GDPD4: variants seen among roughly 807,000 people sequenced by gnomAD.
GDPD4 encodes glycerophosphodiester phosphodiesterase 6.
Under a neutral mutation model 67.8 loss-of-function variants are expected in GDPD4, and 60 were observed. The ratio of observed to expected loss-of-function variants is 0.88; its 90% CI spans 0.72 to 1.10. The LOEUF (loss-of-function observed/expected upper bound fraction) is 1.10. Among genes scored for constraint, GDPD4 ranks in the 50% least tolerant of loss-of-function variants. The pLI, the probability that GDPD4 is intolerant of heterozygous loss-of-function variation, is 0.00. For synonymous variants in GDPD4, 212 were observed against 210.9 expected, an observed-to-expected ratio of 1.00 and a Z score of -0.04; for missense variants, 623 against 613.9, an observed-to-expected ratio of 1.01 and a Z score of -0.16.
At position 77,233,114 on chromosome 11, in the gene GDPD4, A is replaced by T. The variant is rs372324659; in HGVS notation, c.1300T>A (p.Phe434Ile). 5.0e-6 allele frequency: 8 copies of T among 1,614,002 alleles called. No individual in the cohort carries two copies. Among genetic ancestry groups the T allele is most frequent in the Non-Finnish European group, 6.8e-6 (8 of 1,179,974 alleles). Residue 434 changes from phenylalanine to isoleucine, a missense_variant, in exon 14 of 17, where the codon TTC (phenylalanine) becomes ATC (isoleucine). By Grantham distance (21) the Phe-to-Ile change is conservative (BLOSUM62 0). Coordinates refer to ENST00000315938, the MANE Select transcript of GDPD4 (RefSeq NM_182833.3). Reference protein sequence around the residue: ...NVYTVNEPWLFSLAWCSRINS... With the variant: ...NVYTVNEPWLISLAWCSRINS... ...ATCCTGGAGCACCAGGCCAGTGAGA[A>T]AAGCCAAGGCTCATTGACGGTGTAT...
chr11:77,271,229 A>AGAAAGCC lies in GDPD4; in HGVS notation c.307-13_307-7dup. ...TGCACGTAGGGAGCAAAGATCTGTG[A>AGAAAGCC]GAAAGCCAAAAGTCAGGCTGGATAC... On this transcript the variant is annotated splice_polypyrimidine_tract_variant and splice_region_variant and intron_variant, in intron 6 of 16. Transcript: ENST00000315938. The AGAAAGCC allele has an allele frequency of 6.2e-7, 1 of 1,612,724 alleles. No individual in the cohort carries two copies. The highest frequency in any genetic ancestry group is 8.5e-7 in the Non-Finnish European group (1 of 1,179,100).
chr11:77,221,431 G>GTCTT (rs1158505769), intron 16 of GDPD4, among the ~76,000 whole-genome samples: 1 of 152,094 alleles, frequency 6.6e-6, no homozygotes, highest in East Asian at 1.9e-4. Flanking sequence ...GGTATGTTAT[G>GTCTT]TCTTTTTTCT....
intron 11 of GDPD4, among the ~76,000 whole-genome samples, chr11:77,251,245 G>A (rs192664927): frequency 8.7e-4 from 132 of 152,048 alleles, no homozygotes; most frequent in Non-Finnish European, 1.4e-3. Flanking sequence ...CAGTCTGATG[G>A]TCTTCTGTAG....
At chr11:77,287,468 T>C (rs562086410) in intron 1 of GDPD4, 48 bp from the exon 2 acceptor site, 1 of 152,234 alleles carries the variant, frequency 6.6e-6, no homozygotes, top group African/African-American at 2.4e-5. Context: ...CTCCCCTTAA[T>C]GTACCTTATC....
chr11:77,246,141 C>A (rs914968802), intron 11 of GDPD4, among the ~76,000 whole-genome samples: 2 of 152,062 alleles, frequency 1.3e-5, no homozygotes, highest in African/African-American at 4.8e-5. Context: ...TTTAAAATAG[C>A]TGGGTGTGGA....
chr11:77,281,411 C>T (rs909934507), intron 3 of GDPD4, among the ~76,000 whole-genome samples: 2 of 152,124 alleles, frequency 1.3e-5, no homozygotes, highest in Non-Finnish European at 2.9e-5. Context: ...AAACAACACA[C>T]ACAGAGGGGA....
At chr11:77,239,105 C>T (rs1958616114) in intron 13 of GDPD4, among the ~76,000 whole-genome samples, 1 of 152,154 alleles carries the variant, frequency 6.6e-6, no homozygotes, top group African/African-American at 2.4e-5. Context: ...ATATGATCAT[C>T]TCAATAGATA....
chr11:77,226,415 AAG>A (rs1958338865), intron 16 of GDPD4, among the ~76,000 whole-genome samples: 2 of 151,952 alleles, frequency 1.3e-5, no homozygotes, highest in Non-Finnish European at 2.9e-5. Flanking sequence ...TGAGAAGAGG[AAG>A]AGAGACCCGA....
At chr11:77,281,704 C>T (rs1255955933) in intron 3 of GDPD4, among the ~76,000 whole-genome samples, 1 of 152,180 alleles carries the variant, frequency 6.6e-6, no homozygotes, top group African/African-American at 2.4e-5. Flanking sequence ...ACACAACACA[C>T]TTTGATTTGG....
At chr11:77,259,008 G>A (rs538253981) in intron 10 of GDPD4, among the ~76,000 whole-genome samples, 2 of 152,098 alleles carry the variant, frequency 1.3e-5, no homozygotes, top group South Asian at 4.2e-4. Flanking sequence ...TTTTTGAGAC[G>A]GAGTCTTGCT....
At position 77,279,363 on chromosome 11, in the gene GDPD4, C is replaced by T; in HGVS notation, c.90G>A (p.Trp30Ter). The T allele has an allele frequency of 6.2e-7, 1 of 1,611,998 alleles. No homozygotes were observed. The highest frequency in any genetic ancestry group is 8.5e-7 in the Non-Finnish European group (1 of 1,178,432). The change falls in exon 4 of 17, where the codon TGG becomes TGA. Residue 30 changes from tryptophan (W) to a stop codon, truncating the protein, a stop_gained. Transcript: ENST00000315938. LOFTEE classifies it high-confidence loss of function. ...TFLGTGYWFF[W>*]SIFILSLARI... The stretch of plus-strand genomic sequence containing the variant: ...TAGCTAAACTCAGAATAAAAATAGA[C>T]CAGAAAAACCAGTATCCTGTTCCTA...
At chr11:77,231,197 A>G (rs61901763) in intron 14 of GDPD4, among the ~76,000 whole-genome samples, 14,922 of 152,246 alleles carry the variant, frequency 0.098, 961 homozygotes, top group East Asian at 0.14. Context: ...GATAAAGTGT[A>G]TATCATTTTT....
intron 4 of GDPD4, among the ~76,000 whole-genome samples, chr11:77,278,440 A>G (rs1011717558): frequency 6.6e-6 from 1 of 152,226 alleles, no homozygotes; most frequent in Non-Finnish European, 1.5e-5. Flanking sequence ...GTGACAAGGA[A>G]TAGTTATAAC....
chr11:77,228,159 C>T (rs1177815038), intron 15 of GDPD4, among the ~76,000 whole-genome samples: 1 of 151,874 alleles, frequency 6.6e-6, no homozygotes, highest in Non-Finnish European at 1.5e-5. Context: ...TCACCTGAGG[C>T]GGGGCCAACA....
At chr11:77,279,844 T>C (rs1959675765) in intron 3 of GDPD4, among the ~76,000 whole-genome samples, 1 of 152,110 alleles carries the variant, frequency 6.6e-6, no homozygotes, top group Middle Eastern at 3.2e-3. Context: ...AGCCCCAATT[T>C]TTCTGTTCCT....
intron 16 of GDPD4, among the ~76,000 whole-genome samples, chr11:77,221,592 A>G (rs1304163979): frequency 6.6e-6 from 1 of 152,210 alleles, no homozygotes; most frequent in Non-Finnish European, 1.5e-5. Flanking sequence ...CTGTGGTCTG[A>G]GAGACAGTTT....
chr11:77,230,550 C>T (rs1445136813), intron 14 of GDPD4, among the ~76,000 whole-genome samples: 1 of 152,170 alleles, frequency 6.6e-6, no homozygotes, highest in African/African-American at 2.4e-5. Context: ...CTTTAAGTTC[C>T]TGTTCTGCTT....
Position 77,271,091 on chromosome 11 carries a change from G to A in GDPD4, c.400+39C>T, listed in dbSNP as rs754714081. 4 of 1,404,218 alleles carry A rather than the reference G, an allele frequency of 2.8e-6. No homozygotes were observed. The South Asian group carries it at 3.6e-5, about 13-fold the overall frequency. The allele number at this position is 1,404,218 out of a possible 1,614,324, so 87.0% of individuals were successfully genotyped here. A position where few individuals can be genotyped will look rare whatever the true frequency, so the allele number is the denominator to read the frequency against. On this transcript the variant is annotated intron_variant, in intron 7 of 16. Coordinates refer to ENST00000315938, the MANE Select transcript of GDPD4 (RefSeq NM_182833.3). ...GTGGAGTATGCAAGCTAAAGCCAGA[G>A]CTGAAGAAATAGGCAGGGTTCTGCC...
rs537659027 is a variant in GDPD4, at chr11:77,257,488, C to T, written c.864+898G>A. Among the ~76,000 whole-genome samples the T allele has an allele frequency of 3.4e-5, 5 of 146,726 alleles. No individual in the cohort carries two copies. In the South Asian group the frequency reaches 7.1e-4, roughly 21 times the overall value. On this transcript the variant is annotated intron_variant, in intron 11 of 16. Coordinates refer to ENST00000315938, the MANE Select transcript of GDPD4 (RefSeq NM_182833.3). ...TTTCCAGATTATTCTCCCAATCTAT[C>T]GCTCATCTACTTCCTACCCCTCTTC...
Sources: allele counts gnomAD v4.1 joint callset (sites outside exome capture counted in the v4.1 genomes callset), GRCh38; gene constraint gnomAD v4.1.1; transcripts MANE v1.5; gene names NCBI Gene and HGNC (gene_info 2026-07-23, HGNC 2026-07-21).